The following COLEC12 variants were observed in gnomAD, a reference collection of about 807,000 sequenced individuals.
COLEC12 encodes the protein collectin-12.
COLEC12 carries 33 observed loss-of-function variants against 71.1 expected under a neutral mutation model. The observed-to-expected ratio is 0.46, with a 90% CI of 0.35 to 0.62. The LOEUF (loss-of-function observed/expected upper bound fraction) is 0.62. Ranked by LOEUF, COLEC12 falls within the 20% of genes least tolerant of loss-of-function variation. COLEC12 has a pLI of 0.00. For missense variants in COLEC12, 765 were observed against 916.1 expected (o/e 0.84, Z 2.13); for synonymous variants, 350 against 353.0 (o/e 0.99, Z 0.10).
In COLEC12 at chr18:357,405, T is replaced by C. The variant is rs759899940; in HGVS notation, c.176A>G (p.Tyr59Cys). 3 of 1,595,844 alleles carry C rather than the reference T, an allele frequency of 1.9e-6. No individual in the cohort carries two copies. The highest frequency in any genetic ancestry group is 2.2e-5 in the East Asian group (1 of 44,448). ...AAAAAAGAAAGCATGCTTACCTTTA[T>C]ATCCCAAAATGGCTACTGTGATTGT... Reference protein sequence around the residue: ...LLTITVAILGYKVVEKMDNVT... With the variant: ...LLTITVAILGCKVVEKMDNVT... Residue 59 changes from tyrosine to cysteine, a missense_variant, in exon 3 of 10, where the codon TAT becomes TGT. Transcript: ENST00000400256.
rs1163387030 is a variant in COLEC12, at chr18:462,007, A to G, written c.58+18700T>C. On this transcript the variant is annotated intron_variant, in intron 2 of 9. Transcript: ENST00000400256. ...GGTCATTCCAATTCTATCTCTTTTT[A>G]GTTAATACACATCATCCCAGTACTA... is the stretch of plus-strand genomic sequence containing the variant. 5.9e-5 allele frequency among the ~76,000 whole-genome samples: 9 copies of G among 152,336 alleles called. No individual in the cohort carries two copies. In the South Asian group the frequency reaches 1.9e-3, roughly 32 times the overall value.
intron 2 of COLEC12, among the ~76,000 whole-genome samples, chr18:443,946 G>A (rs35262079): frequency 0.22 from 33,762 of 152,006 alleles, 3,791 homozygotes; most frequent in East Asian, 0.28. Context: ...ACCATATGAC[G>A]TGCCTACTCT....
intron 2 of COLEC12, among the ~76,000 whole-genome samples, chr18:407,007 T>C (rs1208794930): frequency 6.6e-6 from 1 of 152,236 alleles, no homozygotes; most frequent in African/African-American, 2.4e-5. Context: ...AGCAAGGTCC[T>C]GTGTTCCCTG....
At chr18:368,523 G>A (rs527461307) in intron 2 of COLEC12, among the ~76,000 whole-genome samples, 143 of 152,154 alleles carry the variant, frequency 9.4e-4, no homozygotes, top group Non-Finnish European at 1.1e-3. Flanking sequence ...GCAGTGAGCC[G>A]AAATCCCACC....
chr18:341,326 C>A (rs144119838), intron 5 of COLEC12, among the ~76,000 whole-genome samples: 1 of 152,198 alleles, frequency 6.6e-6, no homozygotes, highest in South Asian at 2.1e-4. Context: ...TTCCCTCCCC[C>A]GCAAATGGGG....
In COLEC12 at chr18:362,156, C is replaced by T. The variant is rs886161901; in HGVS notation, c.59-4634G>A. Among the ~76,000 whole-genome samples the T allele has an allele frequency of 6.6e-6, 1 of 152,158 alleles. No homozygotes were observed. The highest frequency in any genetic ancestry group is 2.4e-5 in the African/African-American group (1 of 41,446). On this transcript the variant is annotated intron_variant, in intron 2 of 9. Transcript: ENST00000400256. This position sits in a 1 kb window ranked among gnomAD's most constrained non-coding sequence, Gnocchi z 4.6. The stretch of plus-strand genomic sequence containing the variant: ...CCAGGCATCTGGTGCATGTGGTATT[C>T]GTGCAGATCCAAGCCCGGACAGCTG...
intron 3 of COLEC12, among the ~76,000 whole-genome samples, chr18:348,483 A>G (rs1278609587): frequency 1.3e-5 from 2 of 152,178 alleles, no homozygotes; most frequent in African/African-American, 2.4e-5. Context: ...CTAATCTGCT[A>G]TTTCCTATAT....
chr18:418,899 T>A (rs1327962861), intron 2 of COLEC12, among the ~76,000 whole-genome samples: 4 of 152,208 alleles, frequency 2.6e-5, no homozygotes, highest in Non-Finnish European at 5.9e-5. Context: ...GCTTTCACTT[T>A]ACACTGAGGA....
Position 347,075 on chromosome 18 carries a change from G to T in COLEC12, c.547C>A (p.Gln183Lys). 1 of 1,614,172 alleles carries T rather than the reference G, an allele frequency of 6.2e-7. No individual in the cohort carries two copies. The highest frequency in any genetic ancestry group is 8.5e-7 in the Non-Finnish European group (1 of 1,180,044). The change falls in exon 5 of 10, where the codon CAA becomes AAA. Residue 183 changes from glutamine to lysine, a missense_variant. Physicochemically the swap from Gln to Lys is moderately conservative, Grantham distance 53. Transcript: ENST00000400256. ...AYNGYVTNLQ[Q>K]DTSVLQGNLQ... Reference sequence around the variant, plus strand: ...TTGCCCTGGAGCACGCTGGTATCTTGCTGCAGATTCGTGACATAGCCATTA... The same window carrying T: ...TTGCCCTGGAGCACGCTGGTATCTTTCTGCAGATTCGTGACATAGCCATTA...
chr18:473,711 T>C (rs145652925), intron 2 of COLEC12, among the ~76,000 whole-genome samples: 4 of 152,200 alleles, frequency 2.6e-5, no homozygotes, highest in African/African-American at 9.6e-5. Context: ...TGTCTTAAGT[T>C]GCTTGCAGTT....
At chr18:322,182 T>C (rs1047092601) in intron 8 of COLEC12, among the ~76,000 whole-genome samples, 2 of 93,074 alleles carry the variant, frequency 2.1e-5, no homozygotes, top group Non-Finnish European at 4.3e-5. Flanking sequence ...CTATTCATTA[T>C]GAGGACATGA....
At position 498,363 on chromosome 18, in the gene COLEC12, C is replaced by CTTTTTTTTTTTTT. The variant is rs542727500; in HGVS notation, c.7+2132_7+2144dup. ...AAAACTCTCATGGAATATTTTTTTT[C>CTTTTTTTTTTTTT]TTTTTTTTTTTTTTAGACGGAGTCT... On this transcript the variant is annotated intron_variant, in intron 1 of 9. Transcript: ENST00000400256. Among the ~76,000 whole-genome samples, 190 of 100,680 alleles carry CTTTTTTTTTTTTT rather than the reference C, an allele frequency of 1.9e-3. 13 individuals are homozygous for CTTTTTTTTTTTTT. The highest frequency in any genetic ancestry group is 5.7e-3 in the African/African-American group (125 of 21,860). 66.0% of individuals were successfully genotyped at this position (100,680 alleles called of 152,430 possible). A position where few individuals can be genotyped will look rare whatever the true frequency, so the allele number is the denominator to read the frequency against.
At chr18:359,518 G>A (rs1914698797) in intron 2 of COLEC12, among the ~76,000 whole-genome samples, 1 of 152,204 alleles carries the variant, frequency 6.6e-6, no homozygotes, top group African/African-American at 2.4e-5. Flanking sequence ...CACTTTTGAT[G>A]AGAGGAGGTA....
intron 2 of COLEC12, among the ~76,000 whole-genome samples, chr18:455,279 T>TC (rs200630034): frequency 2.4e-4 from 22 of 92,998 alleles, no homozygotes; most frequent in African/African-American, 1.3e-3. Flanking sequence ...TATTTTACGC[T>TC]TTTTTTTTTT....
At chr18:446,314 AC>A (rs1916649248) in intron 2 of COLEC12, among the ~76,000 whole-genome samples, 1 of 152,084 alleles carries the variant, frequency 6.6e-6, no homozygotes, top group East Asian at 1.9e-4. Context: ...ACAAACACAC[AC>A]CCCTAAGAGT....
chr18:340,601 T>G (rs1048179397), intron 5 of COLEC12, among the ~76,000 whole-genome samples: 5 of 152,270 alleles, frequency 3.3e-5, no homozygotes, highest in East Asian at 3.9e-4. Context: ...TCCCGGTGCT[T>G]AACAAAAGGA....
rs1220648649 is a variant in COLEC12 at position 362,338 on chromosome 18, T to A, written c.59-4816A>T. Among the ~76,000 whole-genome samples, 7 of 151,960 alleles carry A rather than the reference T, an allele frequency of 4.6e-5. No homozygotes were observed. Among genetic ancestry groups the A allele is most frequent in the Non-Finnish European group, 2.9e-5 (2 of 68,006 alleles). The stretch of plus-strand genomic sequence containing the variant: ...GTCTTGTTTTCCCCCTCCCCTGACT[T>A]CTTTTTAATAAGAATTCTGTTTTAT... On this transcript the variant is annotated intron_variant, in intron 2 of 9. Transcript: ENST00000400256. This position sits in a 1 kb window ranked among gnomAD's most constrained non-coding sequence, Gnocchi z 4.6.
At chr18:322,201 C>CACAT (rs934648173) in intron 8 of COLEC12, among the ~76,000 whole-genome samples, 111 of 151,876 alleles carry the variant, frequency 7.3e-4, no homozygotes, top group African/African-American at 2.6e-3. Flanking sequence ...GATACACACA[C>CACAT]ACACACACAC....
chr18:370,750 T>C (rs1914981674), intron 2 of COLEC12, among the ~76,000 whole-genome samples: 2 of 152,120 alleles, frequency 1.3e-5, no homozygotes, highest in Admixed American at 1.3e-4. Flanking sequence ...CTAGGAGGCA[T>C]ACCCCTTCTA....
Sources: allele counts gnomAD v4.1 joint callset (sites outside exome capture counted in the v4.1 genomes callset), GRCh38; gene constraint gnomAD v4.1.1; non-coding constraint Gnocchi (gnomAD v3.1); transcripts MANE v1.5; gene names NCBI Gene and HGNC (gene_info 2026-07-23, HGNC 2026-07-21).